MORC3: variants seen among roughly 807,000 people sequenced by gnomAD.
MORC3 encodes the protein MORC family CW-type zinc finger protein 3.
Under a neutral mutation model 109.1 loss-of-function variants are expected in MORC3, and 31 were observed. The ratio of observed to expected loss-of-function variants is 0.28; its 90% CI spans 0.21 to 0.38. The LOEUF is 0.38. Among genes scored for constraint, MORC3 ranks in the 10% least tolerant of loss-of-function variants. MORC3 has a pLI of 1.00. For synonymous variants in MORC3, 395 were observed against 380.7 expected, an observed-to-expected ratio of 1.04 and a Z score of -0.44; for missense variants, 867 against 1,135.8, an observed-to-expected ratio of 0.76 and a Z score of 3.40.
At chr21:36,351,578 G>T (rs973244042) in intron 9 of MORC3, among the ~76,000 whole-genome samples, 66 of 152,020 alleles carry the variant, frequency 4.3e-4, no homozygotes, top group African/African-American at 1.6e-3. Flanking sequence ...TGTCCTCCAG[G>T]TATATCCATT....
intron 1 of MORC3, 107 bp downstream of exon 1, chr21:36,320,410 CG>C: frequency 9.2e-7 from 1 of 1,088,756 alleles, no homozygotes; most frequent in Non-Finnish European, 1.2e-6. Flanking sequence ...GACGCGGCGG[CG>C]GGGGCTGCGG....
At chr21:36,346,382 T>A (rs1375549814) in intron 8 of MORC3, among the ~76,000 whole-genome samples, 3 of 152,112 alleles carry the variant, frequency 2.0e-5, no homozygotes, top group Admixed American at 2.0e-4. Context: ...ATTTCTTTTA[T>A]CCCTATTTTA....
chr21:36,339,066 A>G (rs1349861096), intron 5 of MORC3, 145 bp downstream of exon 5: 2 of 991,150 alleles, frequency 2.0e-6, no homozygotes, highest in Non-Finnish European at 2.9e-6. Context: ...GTCTTTGCCC[A>G]GGATATGTTA....
chr21:36,340,555 G>T (rs529703198), intron 5 of MORC3, among the ~76,000 whole-genome samples: 4 of 150,482 alleles, frequency 2.7e-5, no homozygotes, highest in Non-Finnish European at 4.4e-5. Context: ...ATAACTCCTG[G>T]CGTTTTCCAG....
At chr21:36,370,602 T>C (rs1200052936) in intron 15 of MORC3, among the ~76,000 whole-genome samples, 8 of 100,980 alleles carry the variant, frequency 7.9e-5, no homozygotes, top group Admixed American at 2.3e-4. Context: ...TTGATTAATA[T>C]ACATACATAC....
intron 2 of MORC3, among the ~76,000 whole-genome samples, chr21:36,333,937 C>T (rs574470811): frequency 5.9e-5 from 9 of 152,038 alleles, no homozygotes; most frequent in African/African-American, 2.2e-4. Context: ...CACCTGCCAC[C>T]ACGACCAGCT....
intron 12 of MORC3, chr21:36,361,874 C>T (rs1408144473): frequency 3.1e-6 from 1 of 321,244 alleles, no homozygotes; most frequent in South Asian, 3.7e-5. Context: ...GCAAGACTCC[C>T]TCTCAAAAGA....
intron 10 of MORC3, among the ~76,000 whole-genome samples, chr21:36,357,292 A>ACATAATTTATACATTATACATATTATT (rs2085655852): frequency 6.6e-6 from 1 of 152,222 alleles, no homozygotes; most frequent in South Asian, 2.1e-4. Flanking sequence ...ACATTATTAT[A>ACATAATTTATACATTATACATATTATT]CATAATTTAT....
chr21:36,367,634 T>C (rs1342786892), intron 14 of MORC3, among the ~76,000 whole-genome samples: 1 of 152,192 alleles, frequency 6.6e-6, no homozygotes. Context: ...CATAGCTGCC[T>C]TCCAGAATGG....
At chr21:36,354,070 C>CAAAAA in intron 9 of MORC3, among the ~76,000 whole-genome samples, 1 of 146,540 alleles carries the variant, frequency 6.8e-6, no homozygotes, top group East Asian at 2.0e-4. Flanking sequence ...GACCCTGTCT[C>CAAAAA]AAAAAAAAAG....
intron 14 of MORC3, among the ~76,000 whole-genome samples, chr21:36,365,828 C>T (rs8133938): frequency 0.079 from 11,969 of 152,140 alleles, 594 homozygotes; most frequent in South Asian, 0.14. Context: ...GTGATCCGCC[C>T]GCCTCGGCCT....
chr21:36,374,923 G>T (rs537944234), intron 16 of MORC3, among the ~76,000 whole-genome samples: 1 of 152,204 alleles, frequency 6.6e-6, no homozygotes, highest in East Asian at 1.9e-4. Flanking sequence ...CTCCCTCCTC[G>T]GCTTCACAAA....
intron 8 of MORC3, among the ~76,000 whole-genome samples, chr21:36,346,482 A>T (rs1472004614): frequency 1.3e-5 from 2 of 152,116 alleles, no homozygotes; most frequent in Non-Finnish European, 2.9e-5. Context: ...GCTTGAGGCC[A>T]GTGCTTCAAG....
At chr21:36,324,019 G>T (rs902472681) in intron 1 of MORC3, among the ~76,000 whole-genome samples, 6 of 151,832 alleles carry the variant, frequency 4.0e-5, no homozygotes, top group Admixed American at 2.6e-4. Flanking sequence ...GGGATTGCAG[G>T]CATGCGCCAC....
chr21:36,325,426 C>T (rs2085238068), intron 1 of MORC3, among the ~76,000 whole-genome samples: 1 of 152,144 alleles, frequency 6.6e-6, no homozygotes, highest in African/African-American at 2.4e-5. Context: ...AGTTTGCTGA[C>T]TTGCTGTTTG....
intron 8 of MORC3, among the ~76,000 whole-genome samples, chr21:36,345,497 C>G (rs2085497941): frequency 6.6e-6 from 1 of 152,056 alleles, no homozygotes; most frequent in Non-Finnish European, 1.5e-5. Context: ...TCTCGGCTCA[C>G]TGCAGCCTCT....
At chr21:36,354,323 CTTTTTTTTTTTT>C (rs144208712) in intron 9 of MORC3, among the ~76,000 whole-genome samples, 1 of 113,654 alleles carries the variant, frequency 8.8e-6, no homozygotes, top group Non-Finnish European at 1.7e-5. Context: ...TTCTTTCTTT[CTTTTTTTTTTTT>C]TTTTTTGAGA....
Position 36,327,529 on chromosome 21 carries a change from G to C in MORC3, c.40-6117G>C, listed in dbSNP as rs374651408. Among the ~76,000 whole-genome samples, 7 of 151,232 alleles carry C rather than the reference G, an allele frequency of 4.6e-5. 1 individual carries two copies. Among genetic ancestry groups the C allele is most frequent in the African/African-American group, 1.2e-4 (5 of 40,580 alleles). On this transcript the variant is annotated intron_variant, in intron 1 of 16. Coordinates refer to ENST00000400485, the MANE Select transcript of MORC3 (RefSeq NM_015358.3). The stretch of plus-strand genomic sequence containing the variant: ...TGTTCTAGTGAACTGAACAGAGGAG[G>C]CTGGCTTTGTAGACAGAAAAAGGCC...
Position 36,338,829 on chromosome 21 carries a change from TTCTC to T in MORC3, c.518_521del (p.Ser173CysfsTer16), listed in dbSNP as rs1569093486. The T allele has an allele frequency of 6.2e-7, 1 of 1,614,092 alleles. No individual in the cohort carries two copies. The highest frequency in any genetic ancestry group is 1.3e-5 in the African/African-American group (1 of 75,064). Reference sequence around the variant, plus strand: ...CCAGCCTTGCTGCAATTCTGGAACATTCTCTGTTTTCCACGGAACAGAAGTTACT... The same window carrying T: ...CCAGCCTTGCTGCAATTCTGGAACATTGTTTTCCACGGAACAGAAGTTACT... On this transcript the variant is annotated frameshift_variant, in exon 5 of 17. Transcript: ENST00000400485. LOFTEE classifies it high-confidence loss of function.
Sources: gnomAD v4.1 joint callset for allele counts (sites outside exome capture counted in the v4.1 genomes callset) on GRCh38, gnomAD v4.1.1 for gene constraint, MANE v1.5 for transcripts, NCBI Gene and HGNC (gene_info 2026-07-23, HGNC 2026-07-21) for gene names.